The following DOCK8 variants were observed in gnomAD, a reference collection of about 807,000 sequenced individuals.
DOCK8 encodes the protein dedicator of cytokinesis protein 8.
A neutral mutation model predicts 245.6 loss-of-function variants in DOCK8; 141 were observed. The observed-to-expected ratio is 0.57, with a 90% confidence interval of 0.50 to 0.66. The LOEUF (loss-of-function observed/expected upper bound fraction) is 0.66. Among genes scored for constraint, DOCK8 ranks in the 30% least tolerant of loss-of-function variants. The pLI, the probability that DOCK8 is intolerant of heterozygous loss-of-function variation, is 0.00. For missense variants in DOCK8, 2,965 were observed against 2,603.4 expected (o/e 1.14, Z -3.02); for synonymous variants, 1,168 against 970.2 (o/e 1.20, Z -3.79).
At chr9:341,164 A>C (rs751509236) in intron 14 of DOCK8, among the ~76,000 whole-genome samples, 3 of 152,206 alleles carry the variant, frequency 2.0e-5, no homozygotes, top group Non-Finnish European at 4.4e-5. Context: ...AGTGCAATGG[A>C]GGAACTGAAA....
At chr9:211,373 C>T (rs1015797890), upstream of DOCK8, among the ~76,000 whole-genome samples, 7 of 152,074 alleles carry the variant, frequency 4.6e-5, no homozygotes, top group South Asian at 2.1e-4. Context: ...GAAAAGGTCA[C>T]GCTTGGTCAT....
At chr9:395,656 A>G (rs1023598085) in intron 24 of DOCK8, among the ~76,000 whole-genome samples, 7 of 151,730 alleles carry the variant, frequency 4.6e-5, no homozygotes, top group African/African-American at 9.7e-5. Context: ...AGTCTTCCCC[A>G]TGTTCCTAAT....
At chr9:370,406 G>C in intron 16 of DOCK8, 106 bp downstream of exon 16, 1 of 975,484 alleles carries the variant, frequency 1.0e-6, no homozygotes, top group Non-Finnish European at 1.6e-6. Context: ...ATAATTCAGG[G>C]ACTGAGGGGC....
At chr9:353,009 A>G (rs975911714) in intron 14 of DOCK8, among the ~76,000 whole-genome samples, 2 of 152,166 alleles carry the variant, frequency 1.3e-5, no homozygotes, top group Non-Finnish European at 2.9e-5. Context: ...GCATTCACCT[A>G]ACCAGTATTA....
intron 5 of DOCK8, among the ~76,000 whole-genome samples, chr9:308,630 T>C (rs1309947654): frequency 6.6e-6 from 1 of 152,216 alleles, no homozygotes; most frequent in African/African-American, 2.4e-5. Context: ...AGCAATATAC[T>C]GTGATTATCT....
chr9:318,605 G>A (rs879716150), intron 7 of DOCK8, among the ~76,000 whole-genome samples: 1 of 152,236 alleles, frequency 6.6e-6, no homozygotes, highest in Non-Finnish European at 1.5e-5. Context: ...AGTTCTACCA[G>A]AGGGTCTTCA....
In DOCK8 at chr9:363,023, A is replaced by G. The variant is rs138905176; in HGVS notation, c.1680-4995A>G. 3.9e-4 allele frequency among the ~76,000 whole-genome samples: 60 copies of G among 152,232 alleles called. 1 individual carries two copies. The highest frequency in any genetic ancestry group is 1.3e-4 in the Non-Finnish European group (9 of 68,044). On this transcript the variant is annotated intron_variant, in intron 14 of 47. Transcript: ENST00000432829. ...TTAACCCCCAGAGCTGCTCAATTAC[A>G]GCAGTTTAAAAATAAGTTGAGGATT...
chr9:248,702 C>T (rs1411119252), intron 1 of DOCK8, among the ~76,000 whole-genome samples: 2 of 152,082 alleles, frequency 1.3e-5, no homozygotes, highest in Non-Finnish European at 2.9e-5. Flanking sequence ...TTAGATTCTC[C>T]ACCTTCCTGT....
intron 4 of DOCK8, among the ~76,000 whole-genome samples, chr9:290,927 A>T (rs2130374396): frequency 1.3e-5 from 2 of 152,356 alleles, no homozygotes; most frequent in African/African-American, 4.8e-5. Flanking sequence ...CATTTTCAGC[A>T]GCAGAAAAAG....
intron 14 of DOCK8, among the ~76,000 whole-genome samples, chr9:346,818 G>A (rs1586760169): frequency 2.0e-5 from 3 of 149,530 alleles, no homozygotes; most frequent in African/African-American, 7.7e-5. Flanking sequence ...GACCTGACCG[G>A]AAGGAATGTC....
At chr9:212,744 C>G (rs2046639957), upstream of DOCK8, 1 of 152,210 alleles carries the variant, frequency 6.6e-6, no homozygotes, top group Admixed American at 6.5e-5. Flanking sequence ...GCAGTATGAT[C>G]TGAGGCAAGA....
intron 2 of DOCK8, chr9:272,959 G>C: frequency 1.2e-6 from 1 of 825,566 alleles, no homozygotes; most frequent in Non-Finnish European, 1.5e-6. Context: ...TCTTGAAGAG[G>C]TTAGGTTACT....
chr9:414,631 T>C (rs1483636736), intron 28 of DOCK8, 151 bp from the exon 29 acceptor site: 2 of 894,330 alleles, frequency 2.2e-6, no homozygotes, highest in Admixed American at 1.9e-5. Context: ...AGGCAGTCTG[T>C]TTCTGGATTC....
chr9:262,829 G>A (rs548152497), intron 1 of DOCK8, among the ~76,000 whole-genome samples: 1 of 152,296 alleles, frequency 6.6e-6, no homozygotes, highest in East Asian at 1.9e-4. Flanking sequence ...AAAGTAAAAT[G>A]TGCTTCTTAT....
At chr9:383,327 G>T (rs1195603893) in intron 22 of DOCK8, among the ~76,000 whole-genome samples, 1 of 152,144 alleles carries the variant, frequency 6.6e-6, no homozygotes, top group Non-Finnish European at 1.5e-5. Context: ...AAGGTCAGGA[G>T]TTCGAGACCA....
At chr9:254,730 A>G (rs1050929442) in intron 1 of DOCK8, among the ~76,000 whole-genome samples, 2 of 152,232 alleles carry the variant, frequency 1.3e-5, no homozygotes, top group East Asian at 1.9e-4. Flanking sequence ...CCAAGTATGC[A>G]TCACGACTTG....
intron 43 of DOCK8, among the ~76,000 whole-genome samples, chr9:443,844 C>T (rs770825935): frequency 7.9e-5 from 12 of 152,248 alleles, no homozygotes; most frequent in Non-Finnish European, 1.6e-4. Context: ...AAAACTGAGA[C>T]ATGGAAGAGT....
chr9:313,797 G>A (rs768676527), intron 6 of DOCK8, among the ~76,000 whole-genome samples: 1 of 152,210 alleles, frequency 6.6e-6, no homozygotes, highest in Non-Finnish European at 1.5e-5. Context: ...TGAGGTGATA[G>A]ATATGTTAAT....
rs759720883 is a variant in DOCK8 at position 452,090 on chromosome 9, G to A, written c.6041G>A (p.Arg2014Lys). 6.2e-7 allele frequency: 1 copy of A among 1,610,442 alleles called. No homozygotes were observed. The highest frequency in any genetic ancestry group is 8.5e-7 in the Non-Finnish European group (1 of 1,178,476). The change falls in exon 46 of 48, where the codon AGG becomes AAG. Residue 2014 changes from arginine (R) to lysine (K), a missense_variant. By Grantham distance (26) the Arg-to-Lys change is conservative. This residue lies in a region of DOCK8 where 134 missense variants were observed against 128.1 expected (regional missense o/e 1.05). Coordinates refer to ENST00000432829, the MANE Select transcript of DOCK8 (RefSeq NM_203447.4). The part of the protein sequence containing the change: ...PKLYRHHNKL[R>K]LCFKEFIMRC... ...CTCTATCGACATCACAACAAGTTGA[G>A]GTTATGCTTTAAGGAATTCATCATG...
Sources: allele counts gnomAD v4.1 joint callset (sites outside exome capture counted in the v4.1 genomes callset), GRCh38; gene constraint gnomAD v4.1.1; regional missense constraint gnomAD v4.1.1; transcripts MANE v1.5; gene names NCBI Gene and HGNC (gene_info 2026-07-23, HGNC 2026-07-21).